Variants in CHRDL1 observed in about 807,000 individuals in gnomAD.
The protein encoded by CHRDL1 is chordin like 1.
A neutral mutation model predicts 40.9 loss-of-function variants in CHRDL1; 19 were observed. The observed-to-expected ratio is 0.46, with a 90% CI of 0.32 to 0.68. The LOEUF (loss-of-function observed/expected upper bound fraction) is 0.68, where lower values mean the gene tolerates loss of function less well. CHRDL1 is among the 30% of genes least tolerant of loss of function. The pLI, the probability that CHRDL1 is intolerant of heterozygous loss-of-function variation, is 0.03. For missense variants in CHRDL1, 329 were observed against 352.1 expected (o/e 0.93, Z 0.53); for synonymous variants, 136 against 123.4 (o/e 1.10, Z -0.68).
intron 2 of CHRDL1, among the ~76,000 whole-genome samples, chrX:110,791,268 G>C (rs2090095629): frequency 9.0e-6 from 1 of 111,579 alleles, no homozygotes; most frequent in African/African-American, 3.3e-5. Context: ...GGGAACTAGA[G>C]CTTAGGCTTT....
At chrX:110,683,934 C>T (rs2069953389) in intron 9 of CHRDL1, among the ~76,000 whole-genome samples, 2 of 112,211 alleles carry the variant, frequency 1.8e-5, no homozygotes, top group East Asian at 5.6e-4. Flanking sequence ...TAAGGTGGTT[C>T]TCCTGTCCAG....
At chrX:110,727,622 G>GA (rs1316797134) in intron 4 of CHRDL1, among the ~76,000 whole-genome samples, 1 of 111,849 alleles carries the variant, frequency 8.9e-6, no homozygotes, top group Non-Finnish European at 1.9e-5. Context: ...CCTTAGACAT[G>GA]AAAAAATCAA....
At chrX:110,752,855 G>A (rs2089383947) in intron 4 of CHRDL1, among the ~76,000 whole-genome samples, 1 of 110,961 alleles carries the variant, frequency 9.0e-6, no homozygotes, top group East Asian at 2.8e-4. Flanking sequence ...ATTCAGAAGA[G>A]AATAGAAGAG....
chrX:110,702,754 T>G (rs765998913), intron 6 of CHRDL1, among the ~76,000 whole-genome samples: 2 of 111,976 alleles, frequency 1.8e-5, no homozygotes, highest in Non-Finnish European at 3.8e-5. Flanking sequence ...TTGCTTTTTC[T>G]CCTTAGCAGT....
At chrX:110,744,961 T>TCACACACA (rs530325738) in intron 4 of CHRDL1, among the ~76,000 whole-genome samples, 6 of 84,508 alleles carry the variant, frequency 7.1e-5, no homozygotes, top group South Asian at 5.0e-4. Context: ...TCTCTCTCAT[T>TCACACACA]CACACACACA....
intron 2 of CHRDL1, among the ~76,000 whole-genome samples, chrX:110,780,199 A>G (rs1343932223): frequency 9.1e-6 from 1 of 110,251 alleles, no homozygotes; most frequent in Non-Finnish European, 1.9e-5. Context: ...TACTGCATCT[A>G]TTGTTGATTT....
intron 7 of CHRDL1, among the ~76,000 whole-genome samples, chrX:110,696,960 T>C (rs752723746): frequency 1.8e-5 from 2 of 110,908 alleles, no homozygotes; most frequent in South Asian, 3.8e-4. Flanking sequence ...AAGAGACTTA[T>C]GAGGGGCCAT....
At chrX:110,703,197 G>A (rs1443487835) in intron 6 of CHRDL1, among the ~76,000 whole-genome samples, 1 of 111,685 alleles carries the variant, frequency 9.0e-6, no homozygotes, top group Non-Finnish European at 1.9e-5. Flanking sequence ...TGGTGATCCT[G>A]GGTTTTGACA....
Position 110,689,619 on chromosome X carries a change from T to TATCTATATATCTATATATATCTATATATC in CHRDL1, c.779-817_779-816insGATATATAGATATATATAGATATATAGAT, listed in dbSNP as rs1569461866. Among the ~76,000 whole-genome samples the TATCTATATATCTATATATATCTATATATC allele has an allele frequency of 5.0e-4, 20 of 40,304 alleles. 5 individuals carry two copies. Among genetic ancestry groups the TATCTATATATCTATATATATCTATATATC allele is most frequent in the Non-Finnish European group, 6.8e-4 (19 of 27,896 alleles). 35.0% of individuals were successfully genotyped at this position (40,304 alleles called of 115,157 possible). A position where few individuals can be genotyped will look rare whatever the true frequency, so the allele number is the denominator to read the frequency against. On this transcript the variant is annotated intron_variant, in intron 8 of 11. Transcript: ENST00000372042. The stretch of plus-strand genomic sequence containing the variant: ...ATCTATATATATCTATATATCTATA[T>TATCTATATATCTATATATATCTATATATC]ATCTATATATCTATATATCTATATA...
At chrX:110,700,603 G>T in intron 7 of CHRDL1, 51 bp downstream of exon 7, 1 of 842,853 alleles carries the variant, frequency 1.2e-6, no homozygotes, top group Non-Finnish European at 1.8e-6. Flanking sequence ...GGAGAGGAAA[G>T]CTTGGCCTGA....
intron 2 of CHRDL1, among the ~76,000 whole-genome samples, chrX:110,791,108 G>T (rs1028588090): frequency 3.6e-5 from 4 of 110,729 alleles, no homozygotes; most frequent in Admixed American, 9.7e-5. Context: ...TGATAAAAGA[G>T]ATAAAGGTTT....
intron 6 of CHRDL1, among the ~76,000 whole-genome samples, chrX:110,715,553 T>C (rs957481581): frequency 1.2e-4 from 13 of 111,807 alleles, no homozygotes; most frequent in Non-Finnish European, 2.4e-4. Flanking sequence ...AGTGGTTAAA[T>C]AGTTTGTCCA....
chrX:110,724,919 G>T (rs2071028093), intron 4 of CHRDL1, among the ~76,000 whole-genome samples: 1 of 111,909 alleles, frequency 8.9e-6, no homozygotes, highest in Non-Finnish European at 1.9e-5. Context: ...TTTCCAAGGT[G>T]GCTGGGCTAG....
chrX:110,689,699 CTATATATCTATA>C lies in CHRDL1; in HGVS notation c.779-908_779-897del, dbSNP rs1569462054. Among the ~76,000 whole-genome samples, 26 of 29,592 alleles carry C rather than the reference CTATATATCTATA, an allele frequency of 8.8e-4. 2 individuals are homozygous for C. The highest frequency in any genetic ancestry group is 8.9e-4 in the Non-Finnish European group (18 of 20,208). The allele number at this position is 29,592 out of a possible 115,157, so 25.7% of individuals were successfully genotyped here. A position where few individuals can be genotyped will look rare whatever the true frequency, so the allele number is the denominator to read the frequency against. The stretch of plus-strand genomic sequence containing the variant: ...TCTATATATCTATATATCTATATAT[CTATATATCTATA>C]TATATATCTATATATATCTATATAT... On this transcript the variant is annotated intron_variant, in intron 8 of 11. Transcript: ENST00000372042.
At chrX:110,685,864 T>C (rs1400008416) in intron 9 of CHRDL1, among the ~76,000 whole-genome samples, 1 of 107,275 alleles carries the variant, frequency 9.3e-6, no homozygotes, top group African/African-American at 3.4e-5. Flanking sequence ...TTAGGATTCC[T>C]AGAAGTGGAA....
At chrX:110,739,661 G>T (rs754497970) in intron 4 of CHRDL1, among the ~76,000 whole-genome samples, 1 of 112,320 alleles carries the variant, frequency 8.9e-6, no homozygotes, top group South Asian at 3.8e-4. Context: ...TTTGGGGATT[G>T]TTAGAGCAAT....
intron 11 of CHRDL1, among the ~76,000 whole-genome samples, chrX:110,678,886 T>C (rs1225544530): frequency 9.0e-6 from 1 of 111,170 alleles, no homozygotes; most frequent in African/African-American, 3.3e-5. Context: ...CCAGGGGCAG[T>C]TCCCCAGGAG....
In CHRDL1 at chrX:110,689,711, ATATATATCTATATATATC is replaced by A. The variant is rs1569462103; in HGVS notation, c.779-926_779-909del. On this transcript the variant is annotated intron_variant, in intron 8 of 11. Coordinates refer to ENST00000372042, the MANE Select transcript of CHRDL1 (RefSeq NM_001143981.2). ...TATATCTATATATCTATATATCTAT[ATATATATCTATATATATC>A]TATATATCTATATATATCTATATAT... is the stretch of plus-strand genomic sequence containing the variant. 1.6e-4 allele frequency among the ~76,000 whole-genome samples: 5 copies of A among 31,437 alleles called. 1 individual carries two copies. The highest frequency in any genetic ancestry group is 2.4e-4 in the Non-Finnish European group (5 of 21,007). 27.3% of individuals were successfully genotyped at this position (31,437 alleles called of 115,157 possible).
chrX:110,699,427 A>T (rs2070466178), intron 7 of CHRDL1, among the ~76,000 whole-genome samples: 1 of 112,001 alleles, frequency 8.9e-6, no homozygotes, highest in Non-Finnish European at 1.9e-5. Context: ...CTCCTGCCTC[A>T]TATTCAATCC....
Sources: gnomAD v4.1 joint callset for allele counts (sites outside exome capture counted in the v4.1 genomes callset) on GRCh38, gnomAD v4.1.1 for gene constraint, MANE v1.5 for transcripts, NCBI Gene and HGNC (gene_info 2026-07-23, HGNC 2026-07-21) for gene names.